The following PCDHGA1 variants were observed in gnomAD, a reference collection of about 807,000 sequenced individuals.
PCDHGA1 encodes protocadherin gamma subfamily A, 1.
A neutral mutation model predicts 58.0 loss-of-function variants in PCDHGA1; 32 were observed. The ratio of observed to expected loss-of-function variants is 0.55; its 90% CI spans 0.42 to 0.74. The LOEUF is 0.74. Among genes scored for constraint, PCDHGA1 ranks in the 30% least tolerant of loss-of-function variants. PCDHGA1 has a pLI of 0.00. For missense variants in PCDHGA1, 1,205 were observed against 1,182.3 expected (o/e 1.02, Z -0.28); for synonymous variants, 498 against 501.1 (o/e 0.99, Z 0.08).
intron 1 of PCDHGA1, among the ~76,000 whole-genome samples, chr5:141,347,606 G>A (rs1200705948): frequency 6.6e-6 from 1 of 152,068 alleles, no homozygotes; most frequent in Non-Finnish European, 1.5e-5. Context: ...GGCCAACATG[G>A]TGAAAGCCTG....
intron 1 of PCDHGA1, chr5:141,352,495 C>T: frequency 6.2e-7 from 1 of 1,614,022 alleles, no homozygotes; most frequent in East Asian, 2.2e-5. Flanking sequence ...GGACTTTGCC[C>T]TATTCCTACA....
intron 1 of PCDHGA1, chr5:141,370,273 C>G: frequency 1.2e-6 from 1 of 809,002 alleles, no homozygotes; most frequent in East Asian, 2.7e-5. Context: ...GCAGCGGAGA[C>G]ACCCATTAGA....
intron 1 of PCDHGA1, chr5:141,352,408 C>A (rs1197749227): frequency 6.2e-7 from 1 of 1,614,058 alleles, no homozygotes; most frequent in Admixed American, 1.7e-5. Flanking sequence ...GTTCCTCCAG[C>A]CTCGACACTG....
chr5:141,431,375 G>C lies in PCDHGA1; in HGVS notation c.2422-63432G>C. ...ACGCGCCCTGGACCGCGAAGAAAAG[G>C]CTGCTCACCACCTGGTCCTTACGGC... On this transcript the variant is annotated intron_variant, in intron 1 of 3. Transcript: ENST00000517417. This position sits in a 1 kb window ranked among gnomAD's most constrained non-coding sequence, Gnocchi z 4.8. 6.2e-7 allele frequency: 1 copy of C among 1,613,422 alleles called. No individual in the cohort carries two copies. The highest frequency in any genetic ancestry group is 8.5e-7 in the Non-Finnish European group (1 of 1,179,570).
intron 1 of PCDHGA1, chr5:141,433,153 A>G (rs896611410): frequency 3.1e-6 from 5 of 1,613,482 alleles, no homozygotes; most frequent in African/African-American, 2.7e-5. Flanking sequence ...GTGATTCGGT[A>G]TTTTCTAAAG....
chr5:141,399,131 A>T, intron 1 of PCDHGA1: 1 of 1,613,856 alleles, frequency 6.2e-7, no homozygotes, highest in African/African-American at 1.3e-5. Context: ...AATATTCAAG[A>T]TGAAAATGAC....
intron 1 of PCDHGA1, chr5:141,404,569 C>T (rs887708182): frequency 6.2e-7 from 1 of 1,613,608 alleles, no homozygotes; most frequent in African/African-American, 1.3e-5. Context: ...ACAGTGGAAG[C>T]CCACCACTTA....
intron 1 of PCDHGA1, chr5:141,479,186 T>C (rs956575218): frequency 3.3e-5 from 5 of 152,590 alleles, no homozygotes; most frequent in Admixed American, 3.3e-4. Flanking sequence ...GCTAGAAAAT[T>C]CAGAAAATAC....
intron 1 of PCDHGA1, chr5:141,389,915 C>T (rs371220204): frequency 2.2e-5 from 36 of 1,613,944 alleles, no homozygotes; most frequent in Non-Finnish European, 4.2e-6. Context: ...CTGACCGCCC[C>T]GACCCCTCTG....
chr5:141,387,614 T>C (rs2091011587), intron 1 of PCDHGA1: 9 of 565,798 alleles, frequency 1.6e-5, no homozygotes, highest in Non-Finnish European at 2.8e-5. Flanking sequence ...TGTAGTTTCC[T>C]AGTGCTGACT....
At position 141,334,617 on chromosome 5, in the gene PCDHGA1, T is replaced by C. The variant is rs1370222287; in HGVS notation, c.2421+1512T>C. On this transcript the variant is annotated intron_variant, in intron 1 of 3. Transcript: ENST00000517417. This position sits in a 1 kb window ranked among gnomAD's most constrained non-coding sequence, Gnocchi z 4.6. ...CCACACCCTGTTAAATAAATAAATATAATAATAAAAGCTGTTTCCCAATTC... is the reference window on the plus strand; with the variant it reads ...CCACACCCTGTTAAATAAATAAATACAATAATAAAAGCTGTTTCCCAATTC... 6.6e-6 allele frequency: 1 copy of C among 152,144 alleles called. No homozygotes were observed. The highest frequency in any genetic ancestry group is 1.5e-5 in the Non-Finnish European group (1 of 68,030). The allele number at this position is 152,144 out of a possible 1,614,324, so 9.4% of individuals were successfully genotyped here.
At chr5:141,357,490 C>A in intron 1 of PCDHGA1, 4 of 1,614,218 alleles carry the variant, frequency 2.5e-6, no homozygotes, top group South Asian at 1.1e-5. Flanking sequence ...CGCGGACTCG[C>A]GGAAGAGTCA....
intron 1 of PCDHGA1, chr5:141,433,359 CT>C: frequency 8.7e-6 from 2 of 228,708 alleles, no homozygotes; most frequent in Non-Finnish European, 1.6e-5. Context: ...TACTGTCTGC[CT>C]ATCTATCTAT....
At chr5:141,345,770 T>C (rs3749774) in intron 1 of PCDHGA1, 203 of 1,613,734 alleles carry the variant, frequency 1.3e-4, no homozygotes, top group East Asian at 2.0e-4. Context: ...AGCTGGCGCC[T>C]CGCTCCGCAG....
intron 1 of PCDHGA1, chr5:141,365,836 C>T: frequency 6.2e-7 from 1 of 1,613,976 alleles, no homozygotes; most frequent in Non-Finnish European, 8.5e-7. Flanking sequence ...CGCCCTTGTC[C>T]TCCTATGTAT....
Position 141,486,572 on chromosome 5 carries a change from A to G in PCDHGA1, c.2422-8235A>G. 1 of 1,613,876 alleles carries G rather than the reference A, an allele frequency of 6.2e-7. No individual in the cohort carries two copies. Among genetic ancestry groups the G allele is most frequent in the Non-Finnish European group, 8.5e-7 (1 of 1,180,002 alleles). ...GTCACATGAGGTGTTTGTTCCTGAG[A>G]ACAATCGCCCAGGGGACCTGCTTTG... is the stretch of plus-strand genomic sequence containing the variant. On this transcript the variant is annotated intron_variant, in intron 1 of 3. Coordinates refer to ENST00000517417, the MANE Select transcript of PCDHGA1 (RefSeq NM_018912.3). This position sits in a 1 kb window ranked among gnomAD's most constrained non-coding sequence, Gnocchi z 5.0.
intron 1 of PCDHGA1, chr5:141,423,181 C>T: frequency 1.2e-6 from 2 of 1,613,578 alleles, no homozygotes; most frequent in East Asian, 2.2e-5. Flanking sequence ...GGACCACGGC[C>T]AGCCCCCTCT....
chr5:141,408,660 C>T, intron 1 of PCDHGA1: 1 of 1,613,980 alleles, frequency 6.2e-7, no homozygotes, highest in East Asian at 2.2e-5. Context: ...ACACGACTAT[C>T]GCTTGACCCT....
chr5:141,419,886 G>A lies in PCDHGA1; in HGVS notation c.2422-74921G>A, dbSNP rs1195529127. ...TTGCAAGAGGTACTGCCGGATTTCA[G>A]CGACCATCCCACACCCTCTGACTCC... On this transcript the variant is annotated intron_variant, in intron 1 of 3. Transcript: ENST00000517417. 1.9e-6 allele frequency: 3 copies of A among 1,614,076 alleles called. No individual in the cohort carries two copies. In the East Asian group the frequency reaches 6.7e-5, roughly 36 times the overall value.
Sources: allele counts gnomAD v4.1 joint callset (sites outside exome capture counted in the v4.1 genomes callset), GRCh38; gene constraint gnomAD v4.1.1; non-coding constraint Gnocchi (gnomAD v3.1); transcripts MANE v1.5; gene names NCBI Gene and HGNC (gene_info 2026-07-23, HGNC 2026-07-21).